Variants in RPS6KA6 observed in about 807,000 individuals in gnomAD.
The protein encoded by RPS6KA6 is ribosomal protein S6 kinase A6.
RPS6KA6 carries 27 observed loss-of-function variants against 65.4 expected under a neutral mutation model. The ratio of observed to expected loss-of-function variants is 0.41; its 90% CI spans 0.30 to 0.57. RPS6KA6 has a LOEUF of 0.57. RPS6KA6 is among the 20% of genes least tolerant of loss of function. RPS6KA6 has a pLI of 0.24. For missense variants in RPS6KA6, 486 were observed against 555.6 expected, an observed-to-expected ratio of 0.87 and a Z score of 1.26; for synonymous variants, 190 against 184.2, an observed-to-expected ratio of 1.03 and a Z score of -0.26.
chrX:84,156,809 C>G (rs2035424879), intron 2 of RPS6KA6, among the ~76,000 whole-genome samples: 1 of 111,468 alleles, frequency 9.0e-6, no homozygotes, highest in Non-Finnish European at 1.9e-5. Context: ...GGTTCTTCCC[C>G]TTGATGCAGG....
At chrX:84,129,036 C>A (rs772653443) in intron 8 of RPS6KA6, among the ~76,000 whole-genome samples, 1 of 110,972 alleles carries the variant, frequency 9.0e-6, no homozygotes, top group Non-Finnish European at 1.9e-5. Flanking sequence ...GCAAAGGAAA[C>A]AATCAATAAC....
At chrX:84,157,973 G>A (rs1254274651) in intron 2 of RPS6KA6, among the ~76,000 whole-genome samples, 1 of 108,950 alleles carries the variant, frequency 9.2e-6, no homozygotes, top group Non-Finnish European at 1.9e-5. Context: ...GCAACTAGAT[G>A]AGAAAAATCA....
chrX:84,150,647 G>A (rs1434856273), intron 3 of RPS6KA6, among the ~76,000 whole-genome samples: 2 of 108,790 alleles, frequency 1.8e-5, no homozygotes, highest in Admixed American at 1.0e-4. Context: ...ACTGTCTTAT[G>A]TGTGCGTGGT....
intron 18 of RPS6KA6, among the ~76,000 whole-genome samples, chrX:84,099,500 G>C (rs748388830): frequency 2.7e-5 from 3 of 111,124 alleles, no homozygotes; most frequent in South Asian, 3.8e-4. Flanking sequence ...AACATACACA[G>C]AGCTCCTCAT....
At chrX:84,157,819 C>T in intron 2 of RPS6KA6, among the ~76,000 whole-genome samples, 1 of 110,613 alleles carries the variant, frequency 9.0e-6, no homozygotes. Flanking sequence ...TTAGTTTCAC[C>T]AAACCTAAGC....
At chrX:84,180,557 A>G (rs1435752939) in intron 1 of RPS6KA6, among the ~76,000 whole-genome samples, 1 of 112,039 alleles carries the variant, frequency 8.9e-6, no homozygotes, top group Non-Finnish European at 1.9e-5. Flanking sequence ...AATATCCAAT[A>G]GAGTAATTCC....
At chrX:84,108,119 G>A (rs1044471787) in intron 12 of RPS6KA6, among the ~76,000 whole-genome samples, 3 of 111,797 alleles carry the variant, frequency 2.7e-5, no homozygotes, top group African/African-American at 9.7e-5. Flanking sequence ...TACGTTAAAT[G>A]TACTGTTTAG....
chrX:84,066,322 C>T (rs1229005456), intron 20 of RPS6KA6, among the ~76,000 whole-genome samples: 5 of 107,603 alleles, frequency 4.6e-5, no homozygotes, highest in Non-Finnish European at 9.6e-5. Flanking sequence ...CTCAGTGGGT[C>T]CCACTCCCAC....
rs761750067 is a variant in RPS6KA6 at position 84,105,789 on chromosome X, C to T, written c.1453G>A (p.Asp485Asn). 8.2e-6 allele frequency: 9 copies of T among 1,094,671 alleles called. No individual in the cohort carries two copies. The highest frequency in any genetic ancestry group is 8.8e-6 in the Non-Finnish European group (7 of 799,124). 90.2% of individuals were successfully genotyped at this position (1,094,671 alleles called of 1,213,427 possible). ...TACCTAGATTTAGAAATACCTACAT[C>T]CTTCAAAGTAATAATGTTGGGATGT... ...GQHPNIITLK[D>N]VFDDGRYVYL... Residue 485 changes from aspartate to asparagine, a missense_variant and splice_region_variant, in exon 16 of 22, where the codon GAT becomes AAT. Asp to Asn is a conservative substitution (Grantham distance 23). Transcript: ENST00000262752.
intron 8 of RPS6KA6, among the ~76,000 whole-genome samples, chrX:84,131,339 A>T (rs1324109653): frequency 3.5e-5 from 4 of 112,902 alleles, no homozygotes; most frequent in Non-Finnish European, 5.6e-5. Context: ...ATTTAAAAAA[A>T]TCACTTATTC....
chrX:84,128,983 T>C (rs184217986), intron 8 of RPS6KA6, among the ~76,000 whole-genome samples: 27 of 110,946 alleles, frequency 2.4e-4, no homozygotes, highest in Admixed American at 2.1e-3. Context: ...TCAAAGCAAA[T>C]ATGGACAAAC....
At chrX:84,120,605 T>C (rs1259382378) in intron 8 of RPS6KA6, among the ~76,000 whole-genome samples, 2 of 111,423 alleles carry the variant, frequency 1.8e-5, no homozygotes, top group East Asian at 2.8e-4. Flanking sequence ...CTATAAAATA[T>C]ATATGCAAGA....
intron 20 of RPS6KA6, among the ~76,000 whole-genome samples, chrX:84,094,694 C>A (rs1341093399): frequency 9.1e-6 from 1 of 110,315 alleles, no homozygotes; most frequent in East Asian, 2.8e-4. Context: ...AAATAAAAGA[C>A]CTTGCAAGTG....
intron 8 of RPS6KA6, among the ~76,000 whole-genome samples, chrX:84,124,465 A>C (rs2034738567): frequency 8.9e-6 from 1 of 112,044 alleles, no homozygotes; most frequent in Non-Finnish European, 1.9e-5. Flanking sequence ...AGATTAAAAT[A>C]ATTAAAAAGA....
intron 1 of RPS6KA6, among the ~76,000 whole-genome samples, chrX:84,175,794 T>C (rs1025944844): frequency 8.9e-6 from 1 of 111,867 alleles, no homozygotes; most frequent in African/African-American, 3.2e-5. Context: ...TATTTCTTTG[T>C]ACATTATGGA....
At chrX:84,180,777 C>A (rs2035839860) in intron 1 of RPS6KA6, among the ~76,000 whole-genome samples, 2 of 111,710 alleles carry the variant, frequency 1.8e-5, no homozygotes, top group African/African-American at 6.5e-5. Context: ...TGGTTGCTAA[C>A]AACGTATCTA....
chrX:84,139,969 G>A (rs760373055), intron 6 of RPS6KA6, among the ~76,000 whole-genome samples: 1 of 111,734 alleles, frequency 8.9e-6, no homozygotes, highest in Admixed American at 9.5e-5. Flanking sequence ...CCAGAACAGA[G>A]AGTCTTAGAG....
chrX:84,124,946 C>T (rs1312184518), intron 8 of RPS6KA6, among the ~76,000 whole-genome samples: 5 of 111,931 alleles, frequency 4.5e-5, no homozygotes, highest in Admixed American at 9.5e-5. Flanking sequence ...AGCCCCAATA[C>T]ACCTGGCAGC....
At position 84,060,744 on chromosome X, in the gene RPS6KA6, CTG is replaced by C. The variant is rs2033290659; in HGVS notation, c.*3531_*3532del. 1 of 111,493 alleles carries C rather than the reference CTG, an allele frequency of 9.0e-6. No individual in the cohort carries two copies. Among genetic ancestry groups the C allele is most frequent in the South Asian group, 3.7e-4 (1 of 2,705 alleles). The allele number at this position is 111,493 out of a possible 1,213,427, so 9.2% of individuals were successfully genotyped here. ...TTAGATACTCTGACCCTGGGACACA[CTG>C]TTCCTTTCCCCCAAAATATTTTCCG... On this transcript the variant is annotated 3_prime_UTR_variant, in exon 22 of 22. Coordinates refer to ENST00000262752, the MANE Select transcript of RPS6KA6 (RefSeq NM_014496.5).
Sources: gnomAD v4.1 joint callset for allele counts (sites outside exome capture counted in the v4.1 genomes callset) on GRCh38, gnomAD v4.1.1 for gene constraint, MANE v1.5 for transcripts, NCBI Gene and HGNC (gene_info 2026-07-23, HGNC 2026-07-21) for gene names.